The following ATPSCKMT variants were observed in gnomAD, a reference collection of about 807,000 sequenced individuals.
ATPSCKMT encodes the protein ATP synthase c subunit lysine N-methyltransferase, also known as ATP synthase subunit C lysine N-methyltransferase.
Under a neutral mutation model 24.3 loss-of-function variants are expected in ATPSCKMT, and 24 were observed. The ratio of observed to expected loss-of-function variants is 0.99; its 90% CI spans 0.71 to 1.39. The LOEUF (loss-of-function observed/expected upper bound fraction) is 1.39. Among genes scored for constraint, ATPSCKMT ranks in the 40% most tolerant of loss-of-function variants. The pLI is 0.00. For missense variants in ATPSCKMT, 311 were observed against 298.4 expected (o/e 1.04, Z -0.31); for synonymous variants, 95 against 110.5 (o/e 0.86, Z 0.88).
In ATPSCKMT at chr5:10,249,818, C is replaced by G. The variant is rs10214325; in HGVS notation, c.16+40G>C. Reference sequence around the variant, plus strand: ...AGCCCCCGGCCCGCCCGCACCCCTTCTCATGCCCCCAGGAACCCGCCAAGC... The same window carrying G: ...AGCCCCCGGCCCGCCCGCACCCCTTGTCATGCCCCCAGGAACCCGCCAAGC... On this transcript the variant is annotated intron_variant, in intron 1 of 4. Transcript: ENST00000511437. 4 of 1,479,402 alleles carry G rather than the reference C, an allele frequency of 2.7e-6. No individual in the cohort carries two copies. In the Admixed American group the frequency reaches 6.3e-5, roughly 23 times the overall value. The allele number at this position is 1,479,402 out of a possible 1,614,324, so 91.6% of individuals were successfully genotyped here.
intron 4 of ATPSCKMT, among the ~76,000 whole-genome samples, chr5:10,234,049 T>C (rs6880650): frequency 0.93 from 141,177 of 152,288 alleles, 65,600 homozygotes; most frequent in Middle Eastern, 0.99. Context: ...TTTACAAGAC[T>C]GGGCACAGTG....
chr5:10,237,889 C>T (rs10062621), intron 2 of ATPSCKMT, among the ~76,000 whole-genome samples: 2 of 151,882 alleles, frequency 1.3e-5, no homozygotes, highest in Admixed American at 6.6e-5. Flanking sequence ...TGGGATTACA[C>T]GCGTGCACCA....
At chr5:10,228,561 T>G (rs1361943860) in intron 4 of ATPSCKMT, among the ~76,000 whole-genome samples, 2 of 152,196 alleles carry the variant, frequency 1.3e-5, no homozygotes, top group Non-Finnish European at 2.9e-5. Flanking sequence ...TTCACCACCT[T>G]CACATCCTAA....
chr5:10,234,021 T>C (rs1332226264), intron 4 of ATPSCKMT, among the ~76,000 whole-genome samples: 2 of 152,198 alleles, frequency 1.3e-5, no homozygotes, highest in African/African-American at 4.8e-5. Flanking sequence ...TACAGGATAC[T>C]GTCACTTTCA....
At chr5:10,241,963 A>G (rs776994170) in intron 1 of ATPSCKMT, among the ~76,000 whole-genome samples, 1 of 152,080 alleles carries the variant, frequency 6.6e-6, no homozygotes. Flanking sequence ...TCTTCGAAAA[A>G]TTTTTTTTAA....
chr5:10,233,906 A>T (rs1036342912), intron 4 of ATPSCKMT, among the ~76,000 whole-genome samples: 29 of 152,250 alleles, frequency 1.9e-4, no homozygotes, highest in Non-Finnish European at 3.5e-4. Flanking sequence ...TCAGTTTTTT[A>T]AAAATGACCA....
At chr5:10,235,757 A>C (rs1288334454) in intron 3 of ATPSCKMT, among the ~76,000 whole-genome samples, 1 of 152,198 alleles carries the variant, frequency 6.6e-6, no homozygotes, top group African/African-American at 2.4e-5. Context: ...AAGTGCAATA[A>C]AATGGTCTTT....
chr5:10,246,478 C>T (rs1205789613), intron 1 of ATPSCKMT, among the ~76,000 whole-genome samples: 2 of 151,478 alleles, frequency 1.3e-5, no homozygotes, highest in African/African-American at 2.4e-5. Context: ...AAAAAGAATC[C>T]CCTATTCTGG....
intron 4 of ATPSCKMT, among the ~76,000 whole-genome samples, chr5:10,231,515 C>T (rs1299785128): frequency 6.6e-6 from 1 of 151,986 alleles, no homozygotes; most frequent in African/African-American, 2.4e-5. Context: ...CACGCACACT[C>T]ATGCCACACC....
At chr5:10,237,808 G>C (rs900227898) in intron 2 of ATPSCKMT, among the ~76,000 whole-genome samples, 1 of 151,944 alleles carries the variant, frequency 6.6e-6, no homozygotes, top group Non-Finnish European at 1.5e-5. Flanking sequence ...GTGCAGTGGC[G>C]TGATCTTGGC....
chr5:10,234,497 T>C (rs572925905), intron 4 of ATPSCKMT, among the ~76,000 whole-genome samples: 1 of 152,328 alleles, frequency 6.6e-6, no homozygotes, highest in East Asian at 1.9e-4. Context: ...AGGTAAATTG[T>C]CTTTTTAAAA....
rs374551152 is a variant in ATPSCKMT, at chr5:10,236,488, T to C, written c.434A>G (p.Asp145Gly). 1.1e-5 allele frequency: 17 copies of C among 1,614,142 alleles called. 1 individual carries two copies. The East Asian group carries it at 2.7e-4, about 25-fold the overall frequency. Residue 145 changes from aspartate (D) to glycine (G), a missense_variant, in exon 3 of 5, where the codon GAT becomes GGT. Asp to Gly is a moderately conservative substitution (Grantham distance 94, BLOSUM62 -1). Transcript: ENST00000511437. ...CTCTGCCTTACATACCTTCCACAAA[T>C]CTGAAATATAAAATTTGGCAGATCC... The part of the protein sequence containing the change: ...VHGSAKFYIS[D>G]LWKVTFSQYS...
chr5:10,240,966 AGCCTG>A (rs1015274036), intron 1 of ATPSCKMT, among the ~76,000 whole-genome samples: 1 of 150,654 alleles, frequency 6.6e-6, no homozygotes, highest in African/African-American at 2.4e-5. Flanking sequence ...ATTGCATTCC[AGCCTG>A]GGCAACAAGA....
At chr5:10,248,610 G>C (rs1386956835) in intron 1 of ATPSCKMT, 1 of 152,274 alleles carries the variant, frequency 6.6e-6, no homozygotes, top group Non-Finnish European at 1.5e-5. Flanking sequence ...GTGCAGTGGC[G>C]CGATTATAGC....
intron 4 of ATPSCKMT, among the ~76,000 whole-genome samples, chr5:10,231,769 C>G (rs999017911): frequency 6.6e-6 from 1 of 152,184 alleles, no homozygotes; most frequent in African/African-American, 2.4e-5. Context: ...CTTGTACTCA[C>G]TGAAGTATTC....
chr5:10,242,105 G>A (rs1013241363), intron 1 of ATPSCKMT, among the ~76,000 whole-genome samples: 4 of 152,150 alleles, frequency 2.6e-5, no homozygotes, highest in African/African-American at 4.8e-5. Context: ...GGTGGTTGCC[G>A]AAGGTTGGGG....
rs115345925 is a variant in ATPSCKMT at position 10,232,887 on chromosome 5, C to T, written c.495+2324G>A. Among the ~76,000 whole-genome samples the T allele has an allele frequency of 9.4e-3, 1,431 of 152,354 alleles. 17 individuals are homozygous for T. The highest frequency in any genetic ancestry group is 0.02 in the African/African-American group (843 of 41,578). On this transcript the variant is annotated intron_variant, in intron 4 of 4. Transcript: ENST00000511437. ...ACAAGAGCAAGGCTGATCTGCTCTG[C>T]ACTTTGAAAAGATGCTCTCAGTGCG... is the stretch of plus-strand genomic sequence containing the variant.
intron 3 of ATPSCKMT, among the ~76,000 whole-genome samples, chr5:10,235,681 T>TTTG (rs1408495541): frequency 2.6e-5 from 4 of 152,236 alleles, no homozygotes; most frequent in Non-Finnish European, 2.9e-5. Context: ...CCATCTGTTT[T>TTTG]TTGTTGTTGT....
chr5:10,233,524 G>A (rs1357570998), intron 4 of ATPSCKMT, among the ~76,000 whole-genome samples: 3 of 152,030 alleles, frequency 2.0e-5, no homozygotes, highest in African/African-American at 4.8e-5. Context: ...CAGAAGAATG[G>A]ACAGTAATCA....
Sources: gnomAD v4.1 joint callset for allele counts (sites outside exome capture counted in the v4.1 genomes callset) on GRCh38, gnomAD v4.1.1 for gene constraint, MANE v1.5 for transcripts, NCBI Gene and HGNC (gene_info 2026-07-23, HGNC 2026-07-21) for gene names.